Variants in PTPRN2 observed in about 807,000 individuals in gnomAD.
PTPRN2 encodes receptor-type tyrosine-protein phosphatase N2.
A neutral mutation model predicts 118.8 loss-of-function variants in PTPRN2; 74 were observed. The observed-to-expected ratio is 0.62, with a 90% confidence interval of 0.52 to 0.76. The LOEUF (loss-of-function observed/expected upper bound fraction) is 0.76, where lower values mean the gene tolerates loss of function less well. PTPRN2 is among the 30% of genes least tolerant of loss of function. The probability of loss-of-function intolerance (pLI) is 0.00; values close to 1 mark genes in which losing one functional copy is unlikely to be tolerated. For synonymous variants in PTPRN2, 641 were observed against 608.0 expected (o/e 1.05, Z -0.80); for missense variants, 1,481 against 1,394.4 (o/e 1.06, Z -0.99).
In PTPRN2 at chr7:157,558,177, G is replaced by A. The variant is rs77809923; in HGVS notation, c.2903-9158C>T. Among the ~76,000 whole-genome samples, 1,272 of 151,932 alleles carry A rather than the reference G, an allele frequency of 8.4e-3. 6 individuals are homozygous for A. Among genetic ancestry groups the A allele is most frequent in the Admixed American group, 0.013 (194 of 15,258 alleles). On this transcript the variant is annotated intron_variant, in intron 21 of 22. Coordinates refer to ENST00000389418, the MANE Select transcript of PTPRN2 (RefSeq NM_002847.5). The stretch of plus-strand genomic sequence containing the variant: ...GTGAACACGTGCACATTGGTGCGAC[G>A]CGGTGCCCACCGCAGTTTGCTGCCA...
At chr7:157,648,778 TCACTGTG>T (rs1805351147) in intron 14 of PTPRN2, among the ~76,000 whole-genome samples, 1 of 102,006 alleles carries the variant, frequency 9.8e-6, no homozygotes, top group Non-Finnish European at 2.0e-5. Context: ...TCGGACCCAT[TCACTGTG>T]CACTGAACTC....
At chr7:158,316,154 G>C (rs979350910) in intron 3 of PTPRN2, among the ~76,000 whole-genome samples, 13 of 152,192 alleles carry the variant, frequency 8.5e-5, no homozygotes, top group African/African-American at 3.1e-4. Context: ...AAGGGGTGGG[G>C]AATGGTCCTT....
At chr7:157,875,215 TC>T (rs1254361746) in intron 12 of PTPRN2, among the ~76,000 whole-genome samples, 1 of 152,192 alleles carries the variant, frequency 6.6e-6, no homozygotes, top group Non-Finnish European at 1.5e-5. Context: ...TGCAAAGTTT[TC>T]CTAAAGGGCT....
In PTPRN2 at chr7:157,676,232, A is replaced by C. The variant is rs1207748083; in HGVS notation, c.2001+6493T>G. Among the ~76,000 whole-genome samples, 1 of 152,090 alleles carries C rather than the reference A, an allele frequency of 6.6e-6. No individual in the cohort carries two copies. Among genetic ancestry groups the C allele is most frequent in the Non-Finnish European group, 1.5e-5 (1 of 68,014 alleles). ...GCCCAGTTCCTCCTGGCAGCCCTGC[A>C]AATGCCCACCCTCTTGGGTCTGTCC... On this transcript the variant is annotated intron_variant, in intron 13 of 22. Transcript: ENST00000389418. The surrounding 1 kb of genome is among the most constrained non-coding windows in gnomAD (Gnocchi z 5.6).
In PTPRN2 at chr7:157,770,457, G is replaced by A. The variant is rs1003591488; in HGVS notation, c.1789-87520C>T. Among the ~76,000 whole-genome samples, 8 of 152,344 alleles carry A rather than the reference G, an allele frequency of 5.3e-5. No individual in the cohort carries two copies. In the East Asian group the frequency reaches 7.7e-4, roughly 15 times the overall value. ...TACGTTAAACCGGAGGCTTTCTGCT[G>A]TTGTCAGGCCCTGTGCACCCAGAGA... On this transcript the variant is annotated intron_variant, in intron 12 of 22. Coordinates refer to ENST00000389418, the MANE Select transcript of PTPRN2 (RefSeq NM_002847.5).
At chr7:158,431,647 TCACATCGAGCA>T (rs1816197756) in intron 2 of PTPRN2, among the ~76,000 whole-genome samples, 1 of 133,368 alleles carries the variant, frequency 7.5e-6, no homozygotes. Flanking sequence ...ACACACTGGC[TCACATCGAGCA>T]CACACTGGCT....
chr7:157,802,910 A>T (rs1805406185), intron 12 of PTPRN2, among the ~76,000 whole-genome samples: 1 of 152,164 alleles, frequency 6.6e-6, no homozygotes, highest in Non-Finnish European at 1.5e-5. Context: ...TTTTTAAATC[A>T]GGTTATCATT....
chr7:157,830,474 G>A (rs1238760202), intron 12 of PTPRN2, among the ~76,000 whole-genome samples: 2 of 152,030 alleles, frequency 1.3e-5, no homozygotes, highest in African/African-American at 2.4e-5. Context: ...CCGTGCACCC[G>A]CTGTGGCTGG....
intron 2 of PTPRN2, among the ~76,000 whole-genome samples, chr7:158,412,956 T>G (rs1216382618): frequency 1.6e-5 from 2 of 126,552 alleles, no homozygotes; most frequent in Admixed American, 7.9e-5. Context: ...CCAGGGCCCA[T>G]CTCAGCACCC....
At chr7:158,231,045 T>C (rs539967104) in intron 3 of PTPRN2, among the ~76,000 whole-genome samples, 1 of 152,188 alleles carries the variant, frequency 6.6e-6, no homozygotes, top group Non-Finnish European at 1.5e-5. Context: ...GTTGAGAGAA[T>C]TGCTTGTGTC....
chr7:158,376,752 G>C (rs1342442761), intron 2 of PTPRN2, among the ~76,000 whole-genome samples: 71 of 125,474 alleles, frequency 5.7e-4, no homozygotes, highest in Admixed American at 1.9e-3. Flanking sequence ...CCTGAGAGGG[G>C]GGTCAGGGGA....
intron 2 of PTPRN2, 128 bp from the exon 3 acceptor site, chr7:158,317,060 C>T: frequency 1.5e-6 from 1 of 655,458 alleles, no homozygotes; most frequent in Non-Finnish European, 2.5e-6. Flanking sequence ...ACGGCGTCAC[C>T]AGAGGGCTGT....
intron 12 of PTPRN2, among the ~76,000 whole-genome samples, chr7:157,767,986 A>T (rs1274072777): frequency 2.0e-5 from 3 of 152,240 alleles, no homozygotes; most frequent in African/African-American, 7.2e-5. Flanking sequence ...ATTCCTGCTT[A>T]TTGCTGACAC....
At position 157,938,804 on chromosome 7, in the gene PTPRN2, T is replaced by C. The variant is rs1430445964; in HGVS notation, c.1724-40067A>G. ...CCACCCTTTGGGGTGTTGGTGCTTA[T>C]GTAGGATGATCCAACCCTGGCAGTA... On this transcript the variant is annotated intron_variant, in intron 11 of 22. Coordinates refer to ENST00000389418, the MANE Select transcript of PTPRN2 (RefSeq NM_002847.5). Among the ~76,000 whole-genome samples the C allele has an allele frequency of 2.0e-5, 3 of 152,254 alleles. No individual in the cohort carries two copies. The East Asian group carries it at 5.8e-4, about 29-fold the overall frequency.
intron 16 of PTPRN2, among the ~76,000 whole-genome samples, chr7:157,602,185 C>T (rs1255549730): frequency 6.6e-6 from 1 of 152,250 alleles, no homozygotes; most frequent in African/African-American, 2.4e-5. Context: ...TAAACAGAAA[C>T]CTGGGTTCAG....
At chr7:158,005,903 G>A (rs1006926817) in intron 11 of PTPRN2, among the ~76,000 whole-genome samples, 3 of 152,226 alleles carry the variant, frequency 2.0e-5, no homozygotes, top group Admixed American at 1.3e-4. Flanking sequence ...AAGTCTGCAC[G>A]GCTCCTTTTA....
chr7:158,265,652 G>T (rs1563059117), intron 3 of PTPRN2, among the ~76,000 whole-genome samples: 1 of 152,240 alleles, frequency 6.6e-6, no homozygotes, highest in Non-Finnish European at 1.5e-5. Context: ...AAGTGCCTCA[G>T]CAGGAGGCCT....
At chr7:158,413,311 C>A (rs549770026) in intron 2 of PTPRN2, among the ~76,000 whole-genome samples, 4 of 152,302 alleles carry the variant, frequency 2.6e-5, no homozygotes, top group Admixed American at 2.0e-4. Context: ...TAGGGGCTCA[C>A]GAGAAAAGGA....
In PTPRN2 at chr7:158,443,653, C is replaced by T. The variant is rs180832205; in HGVS notation, c.163+46082G>A. On this transcript the variant is annotated intron_variant, in intron 2 of 22. Transcript: ENST00000389418. ...GCGTGGGGCAAATCTTCCTGCCAAG[C>T]GTGCGAGCTGCTTGTCCCCACCTGG... is the stretch of plus-strand genomic sequence containing the variant. 4.6e-5 allele frequency among the ~76,000 whole-genome samples: 7 copies of T among 152,244 alleles called. No homozygotes were observed. In the East Asian group the frequency reaches 7.7e-4, roughly 17 times the overall value.
Sources: allele counts gnomAD v4.1 joint callset (sites outside exome capture counted in the v4.1 genomes callset), GRCh38; gene constraint gnomAD v4.1.1; non-coding constraint Gnocchi (gnomAD v3.1); transcripts MANE v1.5; gene names NCBI Gene and HGNC (gene_info 2026-07-23, HGNC 2026-07-21).